Variants in WDPCP observed in about 807,000 individuals in gnomAD.
WDPCP encodes the protein WD repeat-containing and planar cell polarity effector protein fritz homolog.
In WDPCP, 71 loss-of-function variants were observed where a neutral mutation model predicts 93.1. The ratio of observed to expected loss-of-function variants is 0.76; its 90% CI spans 0.63 to 0.93. The LOEUF (loss-of-function observed/expected upper bound fraction) is 0.93, where lower values mean the gene tolerates loss of function less well. Ranked by LOEUF, WDPCP falls within the 40% of genes least tolerant of loss-of-function variation. The probability of loss-of-function intolerance (pLI) is 0.00; values close to 1 mark genes in which losing one functional copy is unlikely to be tolerated. For synonymous variants in WDPCP, 315 were observed against 315.0 expected (o/e 1.00, Z 0.00); for missense variants, 844 against 887.4 (o/e 0.95, Z 0.62).
chr2:63,288,700 A>T lies in WDPCP; in HGVS notation c.1812+24548T>A, dbSNP rs561567708. Reference sequence around the variant, plus strand: ...CAATAAAATCATGAAATTAACACTGATATCATTACTCAAACTTAATCACTG... The same window carrying T: ...CAATAAAATCATGAAATTAACACTGTTATCATTACTCAAACTTAATCACTG... On this transcript the variant is annotated intron_variant, in intron 13 of 17. Transcript: ENST00000272321. Among the ~76,000 whole-genome samples, 40 of 152,326 alleles carry T rather than the reference A, an allele frequency of 2.6e-4. No homozygotes were observed. In the South Asian group the frequency reaches 7.2e-3, roughly 28 times the overall value.
intron 1 of WDPCP, among the ~76,000 whole-genome samples, chr2:63,528,365 C>G (rs1575587045): frequency 6.6e-6 from 1 of 152,206 alleles, no homozygotes; most frequent in East Asian, 1.9e-4. Context: ...ACATTTAAGT[C>G]TTTAATCCAT....
chr2:63,460,850 TCTC>T (rs1196269277), intron 6 of WDPCP, among the ~76,000 whole-genome samples: 7 of 151,358 alleles, frequency 4.6e-5, no homozygotes, highest in African/African-American at 1.7e-4. Flanking sequence ...ATGGTCTTCA[TCTC>T]CTGACCTCGT....
intron 14 of WDPCP, among the ~76,000 whole-genome samples, chr2:63,189,055 GA>G (rs1674847793): frequency 6.6e-6 from 1 of 152,138 alleles, no homozygotes; most frequent in South Asian, 2.1e-4. Flanking sequence ...GGGTGCTTCT[GA>G]CTGTCTTCTT....
intron 3 of WDPCP, among the ~76,000 whole-genome samples, chr2:63,602,852 G>C (rs1336989568): frequency 3.4e-5 from 5 of 147,596 alleles, no homozygotes; most frequent in Non-Finnish European, 7.6e-5. Flanking sequence ...GTTGTTGTTT[G>C]TTTCTTTTTG....
intron 3 of WDPCP, among the ~76,000 whole-genome samples, chr2:63,631,216 G>A (rs547083877): frequency 6.6e-6 from 1 of 152,198 alleles, no homozygotes; most frequent in East Asian, 1.9e-4. Flanking sequence ...GAGAGGCAGA[G>A]GTTGCAGTGA....
intron 6 of WDPCP, among the ~76,000 whole-genome samples, chr2:63,482,508 A>G (rs1700327006): frequency 1.3e-5 from 2 of 152,108 alleles, no homozygotes; most frequent in South Asian, 2.1e-4. Context: ...AAATTTAACT[A>G]AAAGGGCTAA....
chr2:63,332,117 T>A (rs577559776), intron 12 of WDPCP, among the ~76,000 whole-genome samples: 97 of 150,770 alleles, frequency 6.4e-4, no homozygotes, highest in Admixed American at 3.5e-3. Context: ...TATATATATG[T>A]ATATATATAT....
At chr2:63,661,652 C>T (rs1248931614) in intron 2 of WDPCP, among the ~76,000 whole-genome samples, 3 of 152,142 alleles carry the variant, frequency 2.0e-5, no homozygotes, top group South Asian at 2.1e-4. Context: ...TTACAATGTT[C>T]GGTTGTCAAT....
intron 2 of WDPCP, among the ~76,000 whole-genome samples, chr2:63,683,504 TATC>T (rs1257208659): frequency 6.6e-6 from 1 of 152,008 alleles, no homozygotes; most frequent in Non-Finnish European, 1.5e-5. Context: ...ACATTATATT[TATC>T]ATAATATGAT....
At chr2:63,762,628 A>G (rs1245789999) in intron 2 of WDPCP, among the ~76,000 whole-genome samples, 1 of 152,184 alleles carries the variant, frequency 6.6e-6, no homozygotes, top group Non-Finnish European at 1.5e-5. Context: ...GAACTCTCTG[A>G]AGGGTCCCGA....
In WDPCP at chr2:63,297,928, C is replaced by A. The variant is rs546218552; in HGVS notation, c.1812+15320G>T. ...AGAAGAAGAATAGCATGATTGGTATCATTAATGGCTGCAGCCATATGTTTA... is the reference window on the plus strand; with the variant it reads ...AGAAGAAGAATAGCATGATTGGTATAATTAATGGCTGCAGCCATATGTTTA... On this transcript the variant is annotated intron_variant, in intron 13 of 17. Coordinates refer to ENST00000272321, the MANE Select transcript of WDPCP (RefSeq NM_015910.7). Among the ~76,000 whole-genome samples the A allele has an allele frequency of 2.6e-5, 4 of 152,274 alleles. No individual in the cohort carries two copies. The South Asian group carries it at 8.3e-4, about 32-fold the overall frequency.
rs1257278044 is a variant in WDPCP, at chr2:63,575,489, A to ATATACAGCGTATGCGCT, written c.75+12707_75+12708insAGCGCATACGCTGTATA. Reference sequence around the variant, plus strand: ...TATGCAGTATATACAGTGTATATATAGTATATACAGTATATACACTGTATA... The same window carrying ATATACAGCGTATGCGCT: ...TATGCAGTATATACAGTGTATATATATATACAGCGTATGCGCTGTATATACAGTATATACACTGTATA... On this transcript the variant is annotated intron_variant, in intron 1 of 17. Transcript: ENST00000272321. Among the ~76,000 whole-genome samples, 9 of 17,306 alleles carry ATATACAGCGTATGCGCT rather than the reference A, an allele frequency of 5.2e-4. 3 individuals are homozygous for ATATACAGCGTATGCGCT. The highest frequency in any genetic ancestry group is 1.5e-3 in the African/African-American group (9 of 6,044). 11.4% of individuals were successfully genotyped at this position (17,306 alleles called of 152,430 possible).
chr2:63,213,824 T>C (rs1677060570), intron 14 of WDPCP, among the ~76,000 whole-genome samples: 2 of 151,758 alleles, frequency 1.3e-5, no homozygotes, highest in African/African-American at 4.8e-5. Flanking sequence ...CAAACTACCC[T>C]CAGAGAATAC....
intron 2 of WDPCP, among the ~76,000 whole-genome samples, chr2:63,805,513 T>G (rs922619188): frequency 1.3e-5 from 2 of 152,178 alleles, no homozygotes; most frequent in Non-Finnish European, 2.9e-5. Flanking sequence ...TATGTGCTTA[T>G]ATGATTTTTT....
chr2:63,381,885 GA>G lies in WDPCP; in HGVS notation c.1624+20del. The G allele has an allele frequency of 6.2e-7, 1 of 1,611,458 alleles. No homozygotes were observed. Among genetic ancestry groups the G allele is most frequent in the Non-Finnish European group, 8.5e-7 (1 of 1,178,322 alleles). Reference sequence around the variant, plus strand: ...TCATGTATATACAAAACTCATCAATGAAAAATATTTCAAGTCTGACCTTCTC... The same window carrying G: ...TCATGTATATACAAAACTCATCAATGAAAATATTTCAAGTCTGACCTTCTC... On this transcript the variant is annotated intron_variant, in intron 11 of 17. Transcript: ENST00000272321.
intron 12 of WDPCP, among the ~76,000 whole-genome samples, chr2:63,345,312 T>G (rs10209822): frequency 0.8 from 121,859 of 152,150 alleles, 49,668 homozygotes; most frequent in East Asian, 0.96. Flanking sequence ...GCAATACTAA[T>G]GCAGTCTGTT....
At chr2:63,571,089 T>C (rs1707462072) in intron 1 of WDPCP, among the ~76,000 whole-genome samples, 1 of 151,928 alleles carries the variant, frequency 6.6e-6, no homozygotes, top group Admixed American at 6.6e-5. Flanking sequence ...TATTTTTTTT[T>C]TTCAGTAGAG....
At chr2:63,394,746 A>T (rs1392639603) in intron 10 of WDPCP, among the ~76,000 whole-genome samples, 1 of 152,206 alleles carries the variant, frequency 6.6e-6, no homozygotes, top group East Asian at 1.9e-4. Flanking sequence ...AGCAAGATGG[A>T]TGCAGCTGGA....
intron 17 of WDPCP, among the ~76,000 whole-genome samples, chr2:63,138,139 C>T (rs1451690069): frequency 7.9e-6 from 1 of 125,914 alleles, no homozygotes; most frequent in Admixed American, 8.5e-5. Flanking sequence ...TAGATTATTT[C>T]CCACTTTTAT....
Sources: gnomAD v4.1 joint callset for allele counts (sites outside exome capture counted in the v4.1 genomes callset) on GRCh38, gnomAD v4.1.1 for gene constraint, MANE v1.5 for transcripts, NCBI Gene and HGNC (gene_info 2026-07-23, HGNC 2026-07-21) for gene names.